Variants in SCFD2 observed in about 807,000 individuals in gnomAD.
The protein encoded by SCFD2 is sec1 family domain containing 2, also known as sec1 family domain-containing protein 2.
SCFD2 carries 54 observed loss-of-function variants against 58.9 expected under a neutral mutation model. The ratio of observed to expected loss-of-function variants is 0.92; its 90% CI spans 0.74 to 1.15. The LOEUF is 1.15. Ranked by LOEUF, SCFD2 falls within the 50% of genes most tolerant of loss-of-function variation. The pLI is 0.00. For missense variants in SCFD2, 805 were observed against 836.6 expected, an observed-to-expected ratio of 0.96 and a Z score of 0.47; for synonymous variants, 321 against 335.9, an observed-to-expected ratio of 0.96 and a Z score of 0.49.
At chr4:53,294,596 A>C (rs551872230) in intron 3 of SCFD2, among the ~76,000 whole-genome samples, 21 of 152,248 alleles carry the variant, frequency 1.4e-4, no homozygotes, top group African/African-American at 4.8e-4. Context: ...GTTGCCTGTT[A>C]ACTCTGATGA....
intron 5 of SCFD2, among the ~76,000 whole-genome samples, chr4:53,039,490 A>G (rs976538720): frequency 6.6e-6 from 1 of 152,100 alleles, no homozygotes; most frequent in African/African-American, 2.4e-5. Context: ...AATATACTTT[A>G]AAATTCTCTA....
chr4:52,986,759 A>T (rs1054400676), intron 5 of SCFD2, among the ~76,000 whole-genome samples: 17 of 152,164 alleles, frequency 1.1e-4, no homozygotes, highest in African/African-American at 4.1e-4. Context: ...TCGGCCTCAC[A>T]AAGTGCTGGG....
intron 4 of SCFD2, among the ~76,000 whole-genome samples, chr4:53,213,724 T>C (rs1448991706): frequency 1.3e-5 from 2 of 152,134 alleles, no homozygotes; most frequent in African/African-American, 4.8e-5. Context: ...GTTACATATG[T>C]ATACATGTGC....
intron 5 of SCFD2, among the ~76,000 whole-genome samples, chr4:53,038,712 CAG>C (rs1371122725): frequency 1.3e-5 from 2 of 148,390 alleles, no homozygotes; most frequent in East Asian, 4.0e-4. Context: ...TTTTTTTAGA[CAG>C]GGTGTTGCTC....
intron 5 of SCFD2, among the ~76,000 whole-genome samples, chr4:53,097,653 G>A (rs570580178): frequency 2.2e-4 from 33 of 152,226 alleles, no homozygotes; most frequent in African/African-American, 7.7e-4. Context: ...CAATCATGTT[G>A]TCTGCAAAGA....
chr4:53,327,971 A>T (rs1336407572), intron 2 of SCFD2, among the ~76,000 whole-genome samples: 1 of 152,026 alleles, frequency 6.6e-6, no homozygotes, highest in Non-Finnish European at 1.5e-5. Flanking sequence ...TCTACTAAAA[A>T]TACAAAAAAA....
intron 5 of SCFD2, among the ~76,000 whole-genome samples, chr4:53,020,601 T>A (rs1276942915): frequency 2.0e-5 from 3 of 152,184 alleles, no homozygotes; most frequent in Middle Eastern, 6.3e-3. Flanking sequence ...TCCTGTGAGA[T>A]GCTTTCAGAT....
intron 4 of SCFD2, 95 bp downstream of exon 4, chr4:53,273,731 G>A (rs974724410): frequency 4.1e-5 from 44 of 1,082,914 alleles, no homozygotes; most frequent in Non-Finnish European, 5.0e-5. Context: ...TCAACAATAT[G>A]ATTTATTACT....
chr4:53,326,969 A>G (rs996271582), intron 2 of SCFD2, among the ~76,000 whole-genome samples: 1 of 152,092 alleles, frequency 6.6e-6, no homozygotes, highest in African/African-American at 2.4e-5. Flanking sequence ...AACAACAACC[A>G]AGCAAAATCT....
intron 5 of SCFD2, among the ~76,000 whole-genome samples, chr4:53,093,659 C>G (rs1325217930): frequency 6.6e-6 from 1 of 152,094 alleles, no homozygotes; most frequent in African/African-American, 2.4e-5. Flanking sequence ...ATAGAAAGCT[C>G]TTTACATGCT....
intron 5 of SCFD2, among the ~76,000 whole-genome samples, chr4:52,965,979 G>A (rs1720954059): frequency 6.6e-6 from 1 of 152,184 alleles, no homozygotes; most frequent in African/African-American, 2.4e-5. Flanking sequence ...TGCTAAAAAT[G>A]TGCTAAACTT....
chr4:53,028,667 G>A (rs1722541634), intron 5 of SCFD2, among the ~76,000 whole-genome samples: 1 of 152,156 alleles, frequency 6.6e-6, no homozygotes, highest in Non-Finnish European at 1.5e-5. Context: ...TAGAGGGAGA[G>A]AGTAAGAAGA....
chr4:53,191,367 AT>A (rs1727887180), intron 4 of SCFD2, among the ~76,000 whole-genome samples: 1 of 152,134 alleles, frequency 6.6e-6, no homozygotes, highest in African/African-American at 2.4e-5. Flanking sequence ...TAGCAAAAAA[AT>A]CAAGTGTGAA....
chr4:52,879,599 A>G (rs2109440901), intron 8 of SCFD2, among the ~76,000 whole-genome samples: 1 of 152,346 alleles, frequency 6.6e-6, no homozygotes, highest in East Asian at 1.9e-4. Flanking sequence ...AGCAGCCTTC[A>G]GCCCACACTT....
chr4:53,221,286 C>T (rs973458754), intron 4 of SCFD2, among the ~76,000 whole-genome samples: 9 of 152,132 alleles, frequency 5.9e-5, no homozygotes, highest in Admixed American at 3.3e-4. Context: ...ATAATAATTT[C>T]TCATTTGACT....
chr4:53,230,262 C>T (rs141084972), intron 4 of SCFD2, among the ~76,000 whole-genome samples: 2,428 of 152,236 alleles, frequency 0.016, 37 homozygotes, highest in Non-Finnish European at 0.025. Flanking sequence ...CCTAGCCATC[C>T]CATTACTGGG....
intron 2 of SCFD2, among the ~76,000 whole-genome samples, chr4:53,329,939 A>C (rs3959520): frequency 6.9e-6 from 1 of 144,656 alleles, no homozygotes; most frequent in Non-Finnish European, 1.6e-5. Context: ...CGAGAACTAC[A>C]TGAAGAATGC....
intron 5 of SCFD2, among the ~76,000 whole-genome samples, chr4:53,024,138 GCTT>G (rs1482640602): frequency 1.3e-5 from 2 of 152,106 alleles, no homozygotes; most frequent in African/African-American, 4.8e-5. Context: ...TTGTGGCTGC[GCTT>G]CTAAAACCCT....
chr4:53,321,498 C>A (rs1330557811), intron 2 of SCFD2, among the ~76,000 whole-genome samples: 1 of 151,988 alleles, frequency 6.6e-6, no homozygotes, highest in Non-Finnish European at 1.5e-5. Context: ...GTGGCATGCA[C>A]AGGAAGTTAA....
Sources: allele counts gnomAD v4.1 joint callset (sites outside exome capture counted in the v4.1 genomes callset), GRCh38; gene constraint gnomAD v4.1.1; transcripts MANE v1.5; gene names NCBI Gene and HGNC (gene_info 2026-07-23, HGNC 2026-07-21).